Variants in DCLK1 observed in about 807,000 individuals in gnomAD.
DCLK1 encodes the protein doublecortin like kinase 1, also known as serine/threonine-protein kinase DCLK1.
In DCLK1, 16 loss-of-function variants were observed where a neutral mutation model predicts 86.2. That is an observed-to-expected ratio of 0.19 (90% CI 0.13 to 0.28). The LOEUF (loss-of-function observed/expected upper bound fraction) is 0.28, where lower values mean the gene tolerates loss of function less well. Ranked by LOEUF, DCLK1 falls within the 10% of genes least tolerant of loss-of-function variation. The probability of loss-of-function intolerance (pLI) is 1.00; values close to 1 mark genes in which losing one functional copy is unlikely to be tolerated. For synonymous variants in DCLK1, 369 were observed against 370.5 expected (o/e 1.00, Z 0.05); for missense variants, 590 against 940.2 (o/e 0.63, Z 4.87).
chr13:35,950,968 A>T (rs1189178341), intron 3 of DCLK1, among the ~76,000 whole-genome samples: 1 of 151,590 alleles, frequency 6.6e-6, no homozygotes, highest in Non-Finnish European at 1.5e-5. Context: ...GGACCCTGGC[A>T]TTTTACTCTA....
intron 3 of DCLK1, among the ~76,000 whole-genome samples, chr13:36,045,318 ATGTGTG>A (rs1190083437): frequency 1.3e-3 from 108 of 80,044 alleles, no homozygotes; most frequent in South Asian, 8.7e-3. Context: ...ATGTCTATAT[ATGTGTG>A]TGTGTGTGTA....
intron 2 of DCLK1, among the ~76,000 whole-genome samples, chr13:36,122,064 T>A (rs1886011449): frequency 6.6e-6 from 1 of 152,120 alleles, no homozygotes; most frequent in Middle Eastern, 3.2e-3. Flanking sequence ...TTTTAAAAAA[T>A]TCATTATAGC....
At chr13:36,080,186 T>A (rs2138109740) in intron 3 of DCLK1, among the ~76,000 whole-genome samples, 1 of 152,232 alleles carries the variant, frequency 6.6e-6, no homozygotes, top group African/African-American at 2.4e-5. Context: ...AACTGAGAGT[T>A]AATGAAGAAG....
chr13:35,928,302 C>A (rs1196365678), intron 4 of DCLK1, among the ~76,000 whole-genome samples: 1 of 152,112 alleles, frequency 6.6e-6, no homozygotes, highest in African/African-American at 2.4e-5. Context: ...CTCAGCACTG[C>A]GGCCTGCCTG....
chr13:36,129,630 G>A (rs558399772), intron 1 of DCLK1, among the ~76,000 whole-genome samples: 1 of 152,308 alleles, frequency 6.6e-6, no homozygotes, highest in Non-Finnish European at 1.5e-5. Context: ...AGATCCACTG[G>A]CCTTCCACAG....
chr13:35,831,337 TAGG>T (rs1868943281), intron 8 of DCLK1, among the ~76,000 whole-genome samples: 1 of 152,172 alleles, frequency 6.6e-6, no homozygotes, highest in Non-Finnish European at 1.5e-5. Flanking sequence ...CACAGGTTTA[TAGG>T]AAAGTAGCTA....
At chr13:36,103,273 C>T (rs950012551) in intron 3 of DCLK1, among the ~76,000 whole-genome samples, 13 of 151,776 alleles carry the variant, frequency 8.6e-5, no homozygotes, top group Non-Finnish European at 1.3e-4. Context: ...TGGTGGCACG[C>T]GCCTGTAATC....
chr13:36,036,381 G>A (rs972504447), intron 3 of DCLK1, among the ~76,000 whole-genome samples: 2 of 152,150 alleles, frequency 1.3e-5, no homozygotes. Flanking sequence ...GCTCGACCTC[G>A]AATTCTTTCC....
rs892329391 is a variant in DCLK1, at chr13:35,980,034, G to T, written c.724-32577C>A. Among the ~76,000 whole-genome samples the T allele has an allele frequency of 2.6e-5, 4 of 152,164 alleles. No individual in the cohort carries two copies. The East Asian group carries it at 7.7e-4, about 29-fold the overall frequency. ...AATACACATAACATAAAGATCTCCT[G>T]CCTTAAACCATTTTTGAGTGTACAG... On this transcript the variant is annotated intron_variant, in intron 3 of 16. Coordinates refer to ENST00000360631, the MANE Select transcript of DCLK1 (RefSeq NM_001330071.2).
rs537870998 is a variant in DCLK1, at chr13:35,948,753, G to A, written c.724-1296C>T. On this transcript the variant is annotated intron_variant, in intron 3 of 16. Transcript: ENST00000360631. ...TAAGCACGAATGAGGTACTATCCAC[G>A]GTTGTCAGTGTTTAGTCTGCCCATG... Among the ~76,000 whole-genome samples, 5 of 152,260 alleles carry A rather than the reference G, an allele frequency of 3.3e-5. No homozygotes were observed. The South Asian group carries it at 8.3e-4, about 25-fold the overall frequency.
chr13:36,088,068 C>T (rs945924046), intron 3 of DCLK1, among the ~76,000 whole-genome samples: 1 of 152,150 alleles, frequency 6.6e-6, no homozygotes, highest in Non-Finnish European at 1.5e-5. Flanking sequence ...TCATTGAAGA[C>T]TAAAATCCAC....
intron 4 of DCLK1, among the ~76,000 whole-genome samples, chr13:35,944,333 G>A (rs1430660752): frequency 1.3e-5 from 2 of 152,176 alleles, no homozygotes; most frequent in Non-Finnish European, 2.9e-5. Context: ...ACAGCCCTGC[G>A]CAGGGCAAGA....
chr13:35,889,432 T>G (rs1203758320), intron 4 of DCLK1, among the ~76,000 whole-genome samples: 1 of 152,192 alleles, frequency 6.6e-6, no homozygotes, highest in Non-Finnish European at 1.5e-5. Context: ...CCCTGCTGTG[T>G]CACACAGCAG....
chr13:35,922,472 C>T (rs953985018), intron 4 of DCLK1, among the ~76,000 whole-genome samples: 1 of 152,118 alleles, frequency 6.6e-6, no homozygotes, highest in Non-Finnish European at 1.5e-5. Context: ...AGAGCATTGG[C>T]GGACAGTCAG....
At chr13:36,099,546 C>T (rs1300308103) in intron 3 of DCLK1, among the ~76,000 whole-genome samples, 2 of 152,196 alleles carry the variant, frequency 1.3e-5, no homozygotes, top group African/African-American at 2.4e-5. Flanking sequence ...TCTCCCAAGT[C>T]TTCCACTGCC....
At chr13:36,049,593 A>G (rs116212284) in intron 3 of DCLK1, among the ~76,000 whole-genome samples, 3 of 152,232 alleles carry the variant, frequency 2.0e-5, no homozygotes, top group African/African-American at 7.2e-5. Context: ...CATGTTTTCT[A>G]TCTTAATTAT....
chr13:36,031,147 G>A lies in DCLK1; in HGVS notation c.723+80722C>T, dbSNP rs188107843. Among the ~76,000 whole-genome samples the A allele has an allele frequency of 2.1e-3, 317 of 152,236 alleles. 5 individuals carry two copies. The highest frequency in any genetic ancestry group is 9.8e-4 in the Admixed American group (15 of 15,284). ...CCTGGGCCCATTTCCTCAAAAACCCGAAATAGTGGTGAGTCATCATCCTTT... is the reference window on the plus strand; with the variant it reads ...CCTGGGCCCATTTCCTCAAAAACCCAAAATAGTGGTGAGTCATCATCCTTT... On this transcript the variant is annotated intron_variant, in intron 3 of 16. Coordinates refer to ENST00000360631, the MANE Select transcript of DCLK1 (RefSeq NM_001330071.2).
intron 3 of DCLK1, among the ~76,000 whole-genome samples, chr13:36,020,388 A>G (rs1233183438): frequency 6.6e-6 from 1 of 152,184 alleles, no homozygotes; most frequent in Non-Finnish European, 1.5e-5. Flanking sequence ...AAACAATGGC[A>G]AAAAGTTATC....
chr13:35,862,581 A>G (rs1324176458), intron 5 of DCLK1, among the ~76,000 whole-genome samples: 1 of 152,124 alleles, frequency 6.6e-6, no homozygotes, highest in Non-Finnish European at 1.5e-5. Flanking sequence ...ACTTCATAAT[A>G]CCTACAATCT....
Sources: allele counts gnomAD v4.1 joint callset (sites outside exome capture counted in the v4.1 genomes callset), GRCh38; gene constraint gnomAD v4.1.1; transcripts MANE v1.5; gene names NCBI Gene and HGNC (gene_info 2026-07-23, HGNC 2026-07-21).